Variants in NIPAL3 observed in about 807,000 individuals in gnomAD.
NIPAL3 encodes the protein NIPA like domain containing 3, also known as NIPA-like protein 3.
Under a neutral mutation model 47.2 loss-of-function variants are expected in NIPAL3, and 41 were observed. That is an observed-to-expected ratio of 0.87 (90% CI 0.68 to 1.13). The LOEUF is 1.13. Among genes scored for constraint, NIPAL3 ranks in the 50% most tolerant of loss-of-function variants. NIPAL3 has a pLI of 0.00. For missense variants in NIPAL3, 449 were observed against 530.1 expected (o/e 0.85, Z 1.50); for synonymous variants, 194 against 209.6 (o/e 0.93, Z 0.64).
intron 8 of NIPAL3, chr1:24,457,602 C>T (rs1315584975): frequency 2.6e-6 from 1 of 383,816 alleles, no homozygotes; most frequent in African/African-American, 2.1e-5. Context: ...AGGATATTAT[C>T]CCCATTTTGC....
intron 5 of NIPAL3, among the ~76,000 whole-genome samples, chr1:24,446,069 C>CGTGTGT (rs58016013): frequency 2.1e-4 from 31 of 147,838 alleles, no homozygotes; most frequent in African/African-American, 6.4e-4. Flanking sequence ...AGATTATAGT[C>CGTGTGT]GTGTGTGTGT....
At chr1:24,438,552 G>T (rs1645232628) in intron 2 of NIPAL3, among the ~76,000 whole-genome samples, 1 of 152,252 alleles carries the variant, frequency 6.6e-6, no homozygotes, top group Non-Finnish European at 1.5e-5. Flanking sequence ...GAGGGCAGGG[G>T]GGAGGGTTGA....
chr1:24,415,814 G>GATGA lies in NIPAL3; in HGVS notation c.-346_-343dup. The GATGA allele has an allele frequency of 1.0e-6, 1 of 984,484 alleles. No individual in the cohort carries two copies. Among genetic ancestry groups the GATGA allele is most frequent in the Non-Finnish European group, 1.2e-6 (1 of 829,030 alleles). The allele number at this position is 984,484 out of a possible 1,614,324, so 61.0% of individuals were successfully genotyped here. A position where few individuals can be genotyped will look rare whatever the true frequency, so the allele number is the denominator to read the frequency against. ...TCTTGGCAGCTCTGAATTGGGAAGG[G>GATGA]ATGAAGGAGGCTGTGCCTCCGGGTT... On this transcript the variant is annotated 5_prime_UTR_variant, in exon 1 of 12. The change creates a new upstream start codon in the 5' untranslated region. Transcript: ENST00000374399.
chr1:24,440,234 C>T lies in NIPAL3; in HGVS notation c.156C>T (p.Asn52=). The T allele has an allele frequency of 6.3e-7, 1 of 1,592,376 alleles. No individual in the cohort carries two copies. Among genetic ancestry groups the T allele is most frequent in the Non-Finnish European group, 8.5e-7 (1 of 1,170,576 alleles). ...FGHLVVSIAL[N]LQKYCHIRLA... ...ACCTCGTGGTCAGCATTGCACTTAACCTCCAGGTAAGTTTCAGTTACCAGC... is the reference window on the plus strand; with the variant it reads ...ACCTCGTGGTCAGCATTGCACTTAATCTCCAGGTAAGTTTCAGTTACCAGC... The change falls in exon 3 of 12, where the codon AAC becomes AAT. Residue 52 remains asparagine, a synonymous_variant. Coordinates refer to ENST00000374399, the MANE Select transcript of NIPAL3 (RefSeq NM_020448.5).
At position 24,445,249 on chromosome 1, in the gene NIPAL3, G is replaced by C; in HGVS notation, c.394+5G>C. ...GGAAACCGAAAGACTTTCTGAGTAA[G>C]TTCAGTGATTTGAGCTGTGTCCTTG... On this transcript the variant is annotated splice_donor_5th_base_variant and intron_variant, in intron 5 of 11. Transcript: ENST00000374399. 1 of 1,596,970 alleles carries C rather than the reference G, an allele frequency of 6.3e-7. No individual in the cohort carries two copies.
Position 24,449,883 on chromosome 1 carries a change from T to C in NIPAL3, c.540+257T>C, listed in dbSNP as rs2148825972. ...AAACATTTGACACTAATTACCAAAT[T>C]GAATATCCACATATCCTATGGAGGA... On this transcript the variant is annotated intron_variant, in intron 6 of 11. Transcript: ENST00000374399. The surrounding 1 kb of genome is among the most constrained non-coding windows in gnomAD (Gnocchi z 4.5). Among the ~76,000 whole-genome samples the C allele has an allele frequency of 1.3e-5, 2 of 152,338 alleles. No individual in the cohort carries two copies. Among genetic ancestry groups the C allele is most frequent in the Admixed American group, 1.3e-4 (2 of 15,302 alleles).
chr1:24,466,593 A>T (rs1026750217), intron 11 of NIPAL3, among the ~76,000 whole-genome samples: 1 of 152,184 alleles, frequency 6.6e-6, no homozygotes. Context: ...AAAATCACCT[A>T]GTCCAAGCCA....
intron 2 of NIPAL3, among the ~76,000 whole-genome samples, chr1:24,433,539 G>T (rs776543251): frequency 6.6e-6 from 1 of 152,294 alleles, no homozygotes; most frequent in South Asian, 2.1e-4. Flanking sequence ...AGTAGTTCAG[G>T]TCTTGTGCCC....
At chr1:24,452,312 T>C (rs1015037578) in intron 6 of NIPAL3, among the ~76,000 whole-genome samples, 1 of 152,230 alleles carries the variant, frequency 6.6e-6, no homozygotes, top group African/African-American at 2.4e-5. Context: ...CAGTGTGGCC[T>C]AGCAGGAAAG....
intron 8 of NIPAL3, chr1:24,457,851 C>G (rs758872160): frequency 3.8e-6 from 2 of 531,548 alleles, no homozygotes; most frequent in Non-Finnish European, 3.9e-6. Flanking sequence ...TGAGCTGCTT[C>G]TATGATTATT....
At chr1:24,444,729 CG>C (rs1645575333) in intron 4 of NIPAL3, among the ~76,000 whole-genome samples, 1 of 152,022 alleles carries the variant, frequency 6.6e-6, no homozygotes, top group Non-Finnish European at 1.5e-5. Context: ...AGGAAAGAGC[CG>C]GGGGAAATGT....
rs1438569775 is a variant in NIPAL3, at chr1:24,416,618, A to C, written c.-258+714A>C. 2.0e-5 allele frequency: 3 copies of C among 152,348 alleles called. No homozygotes were observed. The East Asian group carries it at 5.8e-4, about 29-fold the overall frequency. The allele number at this position is 152,348 out of a possible 1,614,324, so 9.4% of individuals were successfully genotyped here. On this transcript the variant is annotated intron_variant, in intron 1 of 11. Coordinates refer to ENST00000374399, the MANE Select transcript of NIPAL3 (RefSeq NM_020448.5). This position sits in a 1 kb window ranked among gnomAD's most constrained non-coding sequence, Gnocchi z 4.8. ...CCTTGGGTCAGTGACCACGTGCTCT[A>C]ATTGTGGGGTGGTTGACAACGCAGA...
In NIPAL3 at chr1:24,419,613, C is replaced by T. The variant is rs369128212; in HGVS notation, c.66C>T (p.Ala22=). ...QQLPPTSSSS[A]VSEASFSYKE... The stretch of plus-strand genomic sequence containing the variant: ...TGCCTCCCACAAGTAGCTCCAGCGC[C>T]GTAAGCGAGGCCTCCTTCTCCTACA... The change falls in exon 2 of 12, where the codon GCC becomes GCT. Residue 22 remains alanine, a synonymous_variant. Transcript: ENST00000374399. 38 of 1,613,958 alleles carry T rather than the reference C, an allele frequency of 2.4e-5. No homozygotes were observed. The highest frequency in any genetic ancestry group is 2.7e-5 in the African/African-American group (2 of 74,934).
At chr1:24,458,335 AG>A (rs1402649909) in intron 8 of NIPAL3, among the ~76,000 whole-genome samples, 1 of 152,198 alleles carries the variant, frequency 6.6e-6, no homozygotes, top group Non-Finnish European at 1.5e-5. Context: ...ATGCAGAGAA[AG>A]GGCAAAGAAT....
intron 5 of NIPAL3, among the ~76,000 whole-genome samples, chr1:24,448,916 G>A (rs983155758): frequency 1.3e-5 from 2 of 152,206 alleles, no homozygotes; most frequent in Non-Finnish European, 2.9e-5. Context: ...AAGCCCCCCA[G>A]CAGTAGAATG....
chr1:24,421,026 A>C (rs1220005928), intron 2 of NIPAL3, among the ~76,000 whole-genome samples: 5 of 152,210 alleles, frequency 3.3e-5, no homozygotes, highest in African/African-American at 9.6e-5. Flanking sequence ...ATTTTTTTAA[A>C]GATCAGAGAG....
rs1216554158 is a variant in NIPAL3 at position 24,449,558 on chromosome 1, A to T, written c.472A>T (p.Ser158Cys). 6.2e-7 allele frequency: 1 copy of T among 1,614,168 alleles called. No homozygotes were observed. Among genetic ancestry groups the T allele is most frequent in the Non-Finnish European group, 8.5e-7 (1 of 1,180,028 alleles). Reference sequence around the variant, plus strand: ...CCTGCTGGTGACATTCGCACCCAACAGTCACGAGAAGATGACAGGCGAGAA... The same window carrying T: ...CCTGCTGGTGACATTCGCACCCAACTGTCACGAGAAGATGACAGGCGAGAA... Reference protein sequence around the residue: ...TYLLVTFAPNSHEKMTGENVT... With the variant: ...TYLLVTFAPNCHEKMTGENVT... Residue 158 changes from serine (S) to cysteine (C), a missense_variant, in exon 6 of 12, where the codon AGT becomes TGT. Physicochemically the swap from Ser to Cys is moderately radical, Grantham distance 112. Transcript: ENST00000374399. This position sits in a 1 kb window ranked among gnomAD's most constrained non-coding sequence, Gnocchi z 4.5.
chr1:24,454,307 G>A lies in NIPAL3; in HGVS notation c.637+803G>A, dbSNP rs1485228943. On this transcript the variant is annotated intron_variant, in intron 7 of 11. Transcript: ENST00000374399. The surrounding 1 kb of genome is among the most constrained non-coding windows in gnomAD (Gnocchi z 4.1). ...GTCAGGGCTGGTGAAGCCTGCTACC[G>A]CGCTGCTCTTGAGTGGCCTCAGGCT... 3.5e-6 allele frequency: 4 copies of A among 1,147,552 alleles called. No individual in the cohort carries two copies. The highest frequency in any genetic ancestry group is 4.3e-5 in the Admixed American group (1 of 23,002). The allele number at this position is 1,147,552 out of a possible 1,614,324, so 71.1% of individuals were successfully genotyped here. A position where few individuals can be genotyped will look rare whatever the true frequency, so the allele number is the denominator to read the frequency against.
chr1:24,419,345 GA>G lies in NIPAL3; in HGVS notation c.-200del, dbSNP rs1644206562. On this transcript the variant is annotated 5_prime_UTR_variant, in exon 2 of 12. An upstream open reading frame in the 5' UTR gains an earlier in-frame stop. Coordinates refer to ENST00000374399, the MANE Select transcript of NIPAL3 (RefSeq NM_020448.5). ...TCTCTGTCTGCCTGGGAGAGCCACG[GA>G]AATTGGCACTTCTCTGAGTGAAGCT... 7 of 1,279,688 alleles carry G rather than the reference GA, an allele frequency of 5.5e-6. No individual in the cohort carries two copies. In the East Asian group the frequency reaches 2.3e-4, roughly 43 times the overall value. 79.3% of individuals were successfully genotyped at this position (1,279,688 alleles called of 1,614,324 possible).
Sources: gnomAD v4.1 joint callset for allele counts (sites outside exome capture counted in the v4.1 genomes callset) on GRCh38, gnomAD v4.1.1 for gene constraint, Gnocchi (gnomAD v3.1) non-coding constraint, MANE v1.5 for transcripts, NCBI Gene and HGNC (gene_info 2026-07-23, HGNC 2026-07-21) for gene names.